The following SETBP1 variants were observed in gnomAD, a reference collection of about 807,000 sequenced individuals.
SETBP1 encodes SET binding protein 1, also known as SET-binding protein.
Under a neutral mutation model 101.0 loss-of-function variants are expected in SETBP1, and 9 were observed. The observed-to-expected ratio is 0.09, with a 90% CI of 0.05 to 0.16. The LOEUF (loss-of-function observed/expected upper bound fraction) is 0.16, where lower values mean the gene tolerates loss of function less well. Among genes scored for constraint, SETBP1 ranks in the 10% least tolerant of loss-of-function variants. The pLI is 1.00. For synonymous variants in SETBP1, 818 were observed against 788.5 expected (o/e 1.04, Z -0.63); for missense variants, 1,858 against 2,033.8 (o/e 0.91, Z 1.66).
At chr18:44,895,814 T>C (rs3213924) in intron 3 of SETBP1, among the ~76,000 whole-genome samples, 13,941 of 152,158 alleles carry the variant, frequency 0.092, 752 homozygotes, top group East Asian at 0.18. Flanking sequence ...AATATTTTGT[T>C]TTATTTATTT....
intron 4 of SETBP1, among the ~76,000 whole-genome samples, chr18:44,967,139 T>G (rs2071737699): frequency 6.6e-6 from 1 of 152,164 alleles, no homozygotes; most frequent in South Asian, 2.1e-4. Context: ...AAGGCAGAAA[T>G]TAGCTGGACC....
At chr18:44,759,248 A>G (rs2070581979) in intron 2 of SETBP1, among the ~76,000 whole-genome samples, 1 of 152,170 alleles carries the variant, frequency 6.6e-6, no homozygotes, top group Middle Eastern at 3.2e-3. Context: ...AGCCGTGAGC[A>G]CTGTCTTCCT....
chr18:44,737,343 C>G lies in SETBP1; in HGVS notation c.486+35511C>G, dbSNP rs865868155. Reference sequence around the variant, plus strand: ...GAGGTGAGTATAGCCCACTTGGATACAGATGCCCAGTATTTGGTTACCTGC... The same window carrying G: ...GAGGTGAGTATAGCCCACTTGGATAGAGATGCCCAGTATTTGGTTACCTGC... On this transcript the variant is annotated intron_variant, in intron 2 of 5. Transcript: ENST00000649279. 2.0e-5 allele frequency among the ~76,000 whole-genome samples: 3 copies of G among 152,204 alleles called. No homozygotes were observed. In the East Asian group the frequency reaches 5.8e-4, roughly 29 times the overall value.
intron 2 of SETBP1, among the ~76,000 whole-genome samples, chr18:44,780,834 G>T (rs921177764): frequency 6.6e-6 from 1 of 152,192 alleles, no homozygotes; most frequent in East Asian, 1.9e-4. Flanking sequence ...TGGTATTGGG[G>T]GTCATGGAGC....
At chr18:44,940,678 T>C (rs895054772) in intron 3 of SETBP1, among the ~76,000 whole-genome samples, 5 of 152,242 alleles carry the variant, frequency 3.3e-5, no homozygotes, top group African/African-American at 1.2e-4. Context: ...TTTATTGTTG[T>C]GGTGGAGTTT....
chr18:44,963,550 C>G (rs559148031), intron 4 of SETBP1, among the ~76,000 whole-genome samples: 1 of 152,056 alleles, frequency 6.6e-6, no homozygotes, highest in Non-Finnish European at 1.5e-5. Flanking sequence ...ATTTAAGGGG[C>G]TTTACCCACC....
chr18:44,752,758 A>G (rs1015956800), intron 2 of SETBP1, among the ~76,000 whole-genome samples: 13 of 152,208 alleles, frequency 8.5e-5, no homozygotes, highest in African/African-American at 2.7e-4. Flanking sequence ...CAGCATAGAG[A>G]GTTATCACTG....
intron 5 of SETBP1, among the ~76,000 whole-genome samples, chr18:45,059,560 C>A (rs1258640298): frequency 6.6e-6 from 1 of 152,188 alleles, no homozygotes; most frequent in Non-Finnish European, 1.5e-5. Flanking sequence ...CCACAGTCCA[C>A]AATTTACTGA....
chr18:44,881,967 C>T (rs1162114215), intron 3 of SETBP1, among the ~76,000 whole-genome samples: 1 of 152,120 alleles, frequency 6.6e-6, no homozygotes, highest in Non-Finnish European at 1.5e-5. Context: ...CATTAAGCAG[C>T]AATAACAAAC....
intron 4 of SETBP1, among the ~76,000 whole-genome samples, chr18:44,977,102 G>A (rs1031942438): frequency 3.3e-5 from 5 of 152,160 alleles, no homozygotes; most frequent in Non-Finnish European, 4.4e-5. Context: ...CTCCAGCCCT[G>A]AAATGGTCCT....
intron 3 of SETBP1, among the ~76,000 whole-genome samples, chr18:44,920,756 G>A (rs1230417701): frequency 6.6e-6 from 1 of 152,052 alleles, no homozygotes; most frequent in Non-Finnish European, 1.5e-5. Flanking sequence ...TACTTACTGG[G>A]AGTCTATGGA....
chr18:44,867,755 C>T (rs978879904), intron 2 of SETBP1, among the ~76,000 whole-genome samples: 13 of 152,146 alleles, frequency 8.5e-5, no homozygotes, highest in African/African-American at 2.7e-4. Context: ...GGGAACAGTG[C>T]AGGTTTTACC....
At chr18:44,977,481 T>G (rs138126661) in intron 4 of SETBP1, among the ~76,000 whole-genome samples, 64 of 152,372 alleles carry the variant, frequency 4.2e-4, no homozygotes, top group African/African-American at 1.5e-3. Context: ...TGCTTTTTGA[T>G]GGATGAATTG....
intron 3 of SETBP1, among the ~76,000 whole-genome samples, chr18:44,946,210 C>T (rs1379599525): frequency 6.6e-6 from 1 of 152,162 alleles, no homozygotes; most frequent in South Asian, 2.1e-4. Flanking sequence ...GTTGTGCTTC[C>T]CTTTTGTCCA....
At chr18:44,869,155 G>C in intron 2 of SETBP1, 75 bp from the exon 3 acceptor site, 1 of 1,298,798 alleles carries the variant, frequency 7.7e-7, no homozygotes, top group East Asian at 2.3e-5. Context: ...TAAGTCCATT[G>C]CTGGTCAGTT....
At chr18:44,989,888 A>C (rs1568012852) in intron 4 of SETBP1, among the ~76,000 whole-genome samples, 3 of 127,390 alleles carry the variant, frequency 2.4e-5, no homozygotes, top group African/African-American at 1.2e-4. Flanking sequence ...AAAAAAAAAA[A>C]AAAAAAAAAA....
At chr18:44,804,333 A>G (rs562670801) in intron 2 of SETBP1, among the ~76,000 whole-genome samples, 9 of 152,280 alleles carry the variant, frequency 5.9e-5, no homozygotes, top group African/African-American at 2.2e-4. Flanking sequence ...TGTATTCCTC[A>G]TCATGGAATA....
chr18:44,770,823 GA>G (rs1289925271), intron 2 of SETBP1, among the ~76,000 whole-genome samples: 1 of 15,690 alleles, frequency 6.4e-5, no homozygotes, highest in Non-Finnish European at 1.9e-4. Context: ...AGAAAAGTTG[GA>G]TTCCAGAAGG....
At chr18:45,024,177 CTTGTGTCTT>C (rs2073122105) in intron 4 of SETBP1, among the ~76,000 whole-genome samples, 1 of 152,114 alleles carries the variant, frequency 6.6e-6, no homozygotes, top group Admixed American at 6.5e-5. Flanking sequence ...CAGGCTGTTT[CTTGTGTCTT>C]GAGACAGGCA....
Sources: gnomAD v4.1 joint callset for allele counts (sites outside exome capture counted in the v4.1 genomes callset) on GRCh38, gnomAD v4.1.1 for gene constraint, MANE v1.5 for transcripts, NCBI Gene and HGNC (gene_info 2026-07-23, HGNC 2026-07-21) for gene names.